Variants in SNRPN observed in about 807,000 individuals in gnomAD.
SNRPN encodes the protein small nuclear ribonucleoprotein-associated protein N.
In SNRPN, 7 loss-of-function variants were observed where a neutral mutation model predicts 25.2. That is an observed-to-expected ratio of 0.28 (90% CI 0.16 to 0.52). SNRPN has a LOEUF of 0.52. Ranked by LOEUF, SNRPN falls within the 20% of genes least tolerant of loss-of-function variation. The pLI is 0.96. For synonymous variants in SNRPN, 124 were observed against 110.6 expected (o/e 1.12, Z -0.76); for missense variants, 196 against 322.5 (o/e 0.61, Z 3.00).
chr15:24,827,484 C>T (rs1241800145), intron 1 of SNRPN, among the ~76,000 whole-genome samples: 1 of 139,302 alleles, frequency 7.2e-6, no homozygotes, highest in Admixed American at 7.6e-5. Context: ...CCACTGCACT[C>T]TGGCCTGGGT....
intron 2 of SNRPN, among the ~76,000 whole-genome samples, chr15:24,902,642 T>C (rs1019467864): frequency 1.3e-5 from 2 of 151,894 alleles, no homozygotes; most frequent in Non-Finnish European, 1.5e-5. Context: ...TTCCTTCTGG[T>C]GGGTTCGTGG....
intron 2 of SNRPN, among the ~76,000 whole-genome samples, chr15:24,892,128 T>A (rs1034522027): frequency 6.6e-5 from 10 of 152,188 alleles, no homozygotes; most frequent in African/African-American, 2.4e-4. Context: ...CAAAGACATC[T>A]AACAGCTATC....
chr15:24,929,954 A>G lies in SNRPN; in HGVS notation c.-391+9830A>G, dbSNP rs935156204. On this transcript the variant is annotated intron_variant, in intron 3 of 11. Transcript: ENST00000400097. This position sits in a 1 kb window ranked among gnomAD's most constrained non-coding sequence, Gnocchi z 5.3. ...TATAATCCCAGCACTTTGGGAGGCCAAGGCGGGTGGATCACGAGGTCAGGA... is the reference window on the plus strand; with the variant it reads ...TATAATCCCAGCACTTTGGGAGGCCGAGGCGGGTGGATCACGAGGTCAGGA... Among the ~76,000 whole-genome samples, 66 of 151,752 alleles carry G rather than the reference A, an allele frequency of 4.3e-4. No individual in the cohort carries two copies. Among genetic ancestry groups the G allele is most frequent in the African/African-American group, 1.5e-3 (61 of 41,400 alleles).
At chr15:24,866,764 T>G (rs1168879977) in intron 1 of SNRPN, among the ~76,000 whole-genome samples, 1 of 152,160 alleles carries the variant, frequency 6.6e-6, no homozygotes, top group Non-Finnish European at 1.5e-5. Flanking sequence ...TTTTTTAGAT[T>G]TCACATGAGT....
At chr15:24,878,580 G>C (rs1263886926) in intron 1 of SNRPN, among the ~76,000 whole-genome samples, 1 of 152,086 alleles carries the variant, frequency 6.6e-6, no homozygotes, top group African/African-American at 2.4e-5. Flanking sequence ...TGCTTTCTAG[G>C]CTTCGTATAA....
chr15:24,908,415 GAAAAGCCATAGA>G (rs2058994256), intron 2 of SNRPN, among the ~76,000 whole-genome samples: 1 of 152,194 alleles, frequency 6.6e-6, no homozygotes, highest in Non-Finnish European at 1.5e-5. Flanking sequence ...TTCAGAAGAT[GAAAAGCCATAGA>G]GAAAGCCTCC....
intron 2 of SNRPN, among the ~76,000 whole-genome samples, chr15:24,899,540 A>T (rs781143825): frequency 2.6e-5 from 4 of 152,142 alleles, no homozygotes; most frequent in Non-Finnish European, 2.9e-5. Context: ...CTATATTTCT[A>T]CAGTATGCAT....
intron 2 of SNRPN, chr15:24,909,188 A>G: frequency 6.8e-7 from 1 of 1,462,730 alleles, no homozygotes; most frequent in South Asian, 1.1e-5. Flanking sequence ...ATCTTCTTCC[A>G]TTAAGTAGCA....
At chr15:24,928,485 TA>T (rs1433151487) in intron 3 of SNRPN, among the ~76,000 whole-genome samples, 2 of 152,044 alleles carry the variant, frequency 1.3e-5, no homozygotes, top group Non-Finnish European at 2.9e-5. Flanking sequence ...CACAGAAATA[TA>T]AATAGCTTAA....
At chr15:24,834,728 C>T (rs553405678) in intron 2 of SNRPN, among the ~76,000 whole-genome samples, 2,128 of 42,376 alleles carry the variant, frequency 0.05, 124 homozygotes, top group Non-Finnish European at 0.07. Flanking sequence ...TCTCTCTCTC[C>T]CTCTCTCTCT....
chr15:24,879,446 A>AAAAAG (rs2056367864), intron 1 of SNRPN, among the ~76,000 whole-genome samples: 1 of 151,982 alleles, frequency 6.6e-6, no homozygotes, highest in Non-Finnish European at 1.5e-5. Flanking sequence ...CTACAAAAAA[A>AAAAAG]AAAGAAAGAA....
At chr15:24,861,186 G>C (rs78178392) in intron 1 of SNRPN, among the ~76,000 whole-genome samples, 2 of 152,132 alleles carry the variant, frequency 1.3e-5, no homozygotes, top group African/African-American at 4.8e-5. Context: ...AATACCTTCT[G>C]AGAAATGCAT....
chr15:24,948,522 TG>T (rs1478493682), intron 3 of SNRPN, among the ~76,000 whole-genome samples: 1 of 152,142 alleles, frequency 6.6e-6, no homozygotes, highest in East Asian at 1.9e-4. Flanking sequence ...GTACCAATAT[TG>T]GTACATTTTT....
intron 1 of SNRPN, among the ~76,000 whole-genome samples, chr15:24,872,425 C>T (rs1192842687): frequency 9.1e-6 from 1 of 110,378 alleles, no homozygotes; most frequent in Non-Finnish European, 1.9e-5. Context: ...CCTACCATAC[C>T]CAGTCAAAAA....
intron 3 of SNRPN, among the ~76,000 whole-genome samples, chr15:24,937,236 T>G (rs910536191): frequency 6.6e-6 from 1 of 151,954 alleles, no homozygotes; most frequent in Non-Finnish European, 1.5e-5. Flanking sequence ...CGAGACTCCG[T>G]CTAAAACAAA....
intron 2 of SNRPN, among the ~76,000 whole-genome samples, chr15:24,887,135 C>A (rs573510370): frequency 9.9e-5 from 15 of 150,914 alleles, no homozygotes; most frequent in Non-Finnish European, 1.9e-4. Context: ...CCCACGAGCA[C>A]ACACTGAGGT....
rs991716798 is a variant in SNRPN at position 24,935,272 on chromosome 15, C to CAAAAAAAA, written c.-391+15153_-391+15160dup. Among the ~76,000 whole-genome samples, 199 of 133,658 alleles carry CAAAAAAAA rather than the reference C, an allele frequency of 1.5e-3. 1 individual carries two copies. Among genetic ancestry groups the CAAAAAAAA allele is most frequent in the African/African-American group, 5.4e-3 (194 of 36,064 alleles). The allele number at this position is 133,658 out of a possible 152,430, so 87.7% of individuals were successfully genotyped here. A position where few individuals can be genotyped will look rare whatever the true frequency, so the allele number is the denominator to read the frequency against. On this transcript the variant is annotated intron_variant, in intron 3 of 11. Coordinates refer to the SNRPN transcript ENST00000400097. ...GGGCAACAGAGCGAGACTTTGTCTC[C>CAAAAAAAA]AAAAAAAAAAAAGTTCGATTTTTGT...
intron 2 of SNRPN, among the ~76,000 whole-genome samples, chr15:24,837,442 C>A (rs1183962527): frequency 6.6e-6 from 1 of 150,974 alleles, no homozygotes; most frequent in Non-Finnish European, 1.5e-5. Flanking sequence ...GATCTTGGCT[C>A]ACTGCAAGCT....
At chr15:24,899,807 A>G (rs2058334717) in intron 2 of SNRPN, among the ~76,000 whole-genome samples, 1 of 152,184 alleles carries the variant, frequency 6.6e-6, no homozygotes, top group African/African-American at 2.4e-5. Context: ...CAATCCACTT[A>G]TAGTAAATAA....
Sources: allele counts gnomAD v4.1 joint callset (sites outside exome capture counted in the v4.1 genomes callset), GRCh38; gene constraint gnomAD v4.1.1; non-coding constraint Gnocchi (gnomAD v3.1); transcripts MANE v1.5; gene names NCBI Gene and HGNC (gene_info 2026-07-23, HGNC 2026-07-21).